The following APBA2 variants were observed in gnomAD, a reference collection of about 807,000 sequenced individuals.
APBA2 encodes amyloid beta precursor protein binding family A member 2.
A neutral mutation model predicts 75.0 loss-of-function variants in APBA2; 30 were observed. The observed-to-expected ratio is 0.40, with a 90% CI of 0.30 to 0.54. The LOEUF (loss-of-function observed/expected upper bound fraction) is 0.54, where lower values mean the gene tolerates loss of function less well. Ranked by LOEUF, APBA2 falls within the 20% of genes least tolerant of loss-of-function variation. The pLI, the probability that APBA2 is intolerant of heterozygous loss-of-function variation, is 0.49. For missense variants in APBA2, 801 were observed against 1,016.1 expected, an observed-to-expected ratio of 0.79 and a Z score of 2.88; for synonymous variants, 444 against 409.6, an observed-to-expected ratio of 1.08 and a Z score of -1.01.
intron 2 of APBA2, among the ~76,000 whole-genome samples, chr15:28,981,056 A>G (rs1029338671): frequency 1.3e-5 from 2 of 152,212 alleles, no homozygotes; most frequent in Non-Finnish European, 2.9e-5. Context: ...TAAAGATTCA[A>G]CCTATGAGAA....
chr15:29,089,774 G>A (rs1402821916), intron 6 of APBA2, among the ~76,000 whole-genome samples: 1 of 152,174 alleles, frequency 6.6e-6, no homozygotes, highest in African/African-American at 2.4e-5. Flanking sequence ...CTGTGCATAT[G>A]CCTATGTGAG....
intron 1 of APBA2, among the ~76,000 whole-genome samples, chr15:28,906,202 ATTTAC>A (rs1363629267): frequency 6.6e-6 from 1 of 152,200 alleles, no homozygotes. Context: ...TTTAAAAAAA[ATTTAC>A]TTTAAGTTCT....
In APBA2 at chr15:29,046,682, A is replaced by G. The variant is rs1284370097; in HGVS notation, c.-40-7163A>G. Among the ~76,000 whole-genome samples, 3 of 152,194 alleles carry G rather than the reference A, an allele frequency of 2.0e-5. No homozygotes were observed. Among genetic ancestry groups the G allele is most frequent in the African/African-American group, 7.2e-5 (3 of 41,460 alleles). ...TTGGAATCTTGGGCCATGAACCTGC[A>G]CACTCTCCAGGTGGGCCTTGTGCCC... On this transcript the variant is annotated intron_variant, in intron 3 of 14. Transcript: ENST00000683413. This position sits in a 1 kb window ranked among gnomAD's most constrained non-coding sequence, Gnocchi z 5.0.
intron 1 of APBA2, among the ~76,000 whole-genome samples, chr15:28,887,465 C>T (rs1369169891): frequency 6.6e-6 from 1 of 152,166 alleles, no homozygotes; most frequent in African/African-American, 2.4e-5. Context: ...GGCTTTTTCT[C>T]AGGCCTCTGG....
intron 2 of APBA2, among the ~76,000 whole-genome samples, chr15:28,942,001 C>T (rs112355804): frequency 0.16 from 25,109 of 152,220 alleles, 2,817 homozygotes; most frequent in African/African-American, 0.32. Flanking sequence ...TCTCGTGATC[C>T]GCCCGCCTCA....
At chr15:28,950,451 C>T (rs558435054) in intron 2 of APBA2, among the ~76,000 whole-genome samples, 11 of 152,038 alleles carry the variant, frequency 7.2e-5, no homozygotes, top group African/African-American at 2.7e-4. Context: ...CATGGTGAAA[C>T]CCCGTCTCTA....
chr15:29,108,109 C>T (rs2279484), intron 12 of APBA2, among the ~76,000 whole-genome samples, 161 bp from the exon 13 acceptor site: 21,219 of 152,018 alleles, frequency 0.14, 1,713 homozygotes, highest in East Asian at 0.31. Flanking sequence ...GGCTTGTCCC[C>T]GCTGCACAGA....
rs2041813691 is a variant in APBA2, at chr15:29,054,934, G to C, written c.951+99G>C. 1 of 1,183,010 alleles carries C rather than the reference G, an allele frequency of 8.5e-7. No homozygotes were observed. The highest frequency in any genetic ancestry group is 1.5e-5 in the African/African-American group (1 of 65,060). 73.3% of individuals were successfully genotyped at this position (1,183,010 alleles called of 1,614,324 possible). A position where few individuals can be genotyped will look rare whatever the true frequency, so the allele number is the denominator to read the frequency against. ...AGATGCTGAAGCGAGGCGGTGGGGGGTGCTGGGTGCCTCACAGTTCTAATG... is the reference window on the plus strand; with the variant it reads ...AGATGCTGAAGCGAGGCGGTGGGGGCTGCTGGGTGCCTCACAGTTCTAATG... On this transcript the variant is annotated intron_variant, in intron 4 of 14. Transcript: ENST00000683413. This position sits in a 1 kb window ranked among gnomAD's most constrained non-coding sequence, Gnocchi z 6.1.
At chr15:28,947,045 C>T (rs527659732) in intron 2 of APBA2, among the ~76,000 whole-genome samples, 36 of 152,332 alleles carry the variant, frequency 2.4e-4, no homozygotes, top group African/African-American at 8.2e-4. Flanking sequence ...TCTCCCATCA[C>T]GGGGCTCTCA....
intron 3 of APBA2, among the ~76,000 whole-genome samples, chr15:29,037,043 G>T (rs1203200235): frequency 6.6e-6 from 1 of 151,594 alleles, no homozygotes; most frequent in Admixed American, 6.6e-5. Flanking sequence ...AGAAAGTTTT[G>T]CATAAATAAA....
At chr15:29,116,627 CAAA>C (rs531479741) in intron 14 of APBA2, among the ~76,000 whole-genome samples, 93 of 116,718 alleles carry the variant, frequency 8.0e-4, no homozygotes, top group African/African-American at 2.1e-3. Flanking sequence ...GACTCCGTCT[CAAA>C]AAAAAAAAAA....
chr15:28,934,091 G>A (rs539412792), intron 2 of APBA2, among the ~76,000 whole-genome samples: 3 of 152,082 alleles, frequency 2.0e-5, no homozygotes, highest in Non-Finnish European at 4.4e-5. Context: ...AGGGGGCTGG[G>A]GAGAAGAGAC....
intron 3 of APBA2, among the ~76,000 whole-genome samples, chr15:29,045,387 G>A (rs894118935): frequency 2.0e-5 from 3 of 151,780 alleles, no homozygotes; most frequent in African/African-American, 7.3e-5. Context: ...ACCACGCCCG[G>A]CCTGGGGTCT....
At chr15:29,011,424 C>T (rs1371404491) in intron 3 of APBA2, among the ~76,000 whole-genome samples, 1 of 152,036 alleles carries the variant, frequency 6.6e-6, no homozygotes, top group Non-Finnish European at 1.5e-5. Context: ...TTTCCAAATG[C>T]CTCCATATTT....
rs1374677657 is a variant in APBA2 at position 29,093,171 on chromosome 15, C to A, written c.1166C>A (p.Ser389Tyr). 1 of 1,614,292 alleles carries A rather than the reference C, an allele frequency of 6.2e-7. No individual in the cohort carries two copies. The highest frequency in any genetic ancestry group is 1.7e-5 in the Admixed American group (1 of 60,034). Residue 389 changes from serine to tyrosine, a missense_variant, in exon 7 of 15, where the codon TCC (serine) becomes TAC (tyrosine). Physicochemically the swap from Ser to Tyr is moderately radical, Grantham distance 144 (BLOSUM62 -2). Around this residue, in one of 2 missense-constraint regions of APBA2, gnomAD observed 367 missense variants for 544.5 expected, o/e 0.67. Transcript: ENST00000683413. Reference sequence around the variant, plus strand: ...CAGCTGCTATCAGAACGGAACCCTTCCAAAAACATCAGAATGATGCAAGCG... The same window carrying A: ...CAGCTGCTATCAGAACGGAACCCTTACAAAAACATCAGAATGATGCAAGCG... ...STQLLSERNP[S>Y]KNIRMMQAQE...
At chr15:28,940,540 G>A (rs188583415) in intron 2 of APBA2, among the ~76,000 whole-genome samples, 93 of 146,166 alleles carry the variant, frequency 6.4e-4, no homozygotes, top group Non-Finnish European at 1.1e-3. Context: ...GTGACAGAGC[G>A]AGACTCTGTA....
intron 11 of APBA2, 115 bp from the exon 12 acceptor site, chr15:29,106,492 T>A: frequency 1.7e-6 from 2 of 1,200,726 alleles, no homozygotes; most frequent in Non-Finnish European, 2.4e-6. Flanking sequence ...CAGCCTTGGA[T>A]CCCAGGGCAG....
At chr15:29,074,454 C>A (rs559724253) in intron 4 of APBA2, among the ~76,000 whole-genome samples, 1 of 152,258 alleles carries the variant, frequency 6.6e-6, no homozygotes, top group East Asian at 1.9e-4. Flanking sequence ...CTGCCCAATT[C>A]ACAGAAACAG....
At chr15:29,059,907 G>A (rs1435413189) in intron 4 of APBA2, among the ~76,000 whole-genome samples, 2 of 152,174 alleles carry the variant, frequency 1.3e-5, no homozygotes, top group East Asian at 1.9e-4. Flanking sequence ...TCCCACGTTC[G>A]CTATAGCGGA....
Sources: allele counts gnomAD v4.1 joint callset (sites outside exome capture counted in the v4.1 genomes callset), GRCh38; gene constraint gnomAD v4.1.1; regional missense constraint gnomAD v4.1.1; non-coding constraint Gnocchi (gnomAD v3.1); transcripts MANE v1.5; gene names NCBI Gene and HGNC (gene_info 2026-07-23, HGNC 2026-07-21).